Variants in C1QTNF4 observed in about 807,000 individuals in gnomAD.
C1QTNF4 encodes the protein complement C1q tumor necrosis factor-related protein 4.
A neutral mutation model predicts 14.6 loss-of-function variants in C1QTNF4; 12 were observed. That is an observed-to-expected ratio of 0.82 (90% CI 0.53 to 1.33). The LOEUF is 1.33. C1QTNF4 is among the 40% of genes most tolerant of loss of function. C1QTNF4 has a pLI of 0.00. For missense variants in C1QTNF4, 558 were observed against 500.3 expected (o/e 1.12, Z -1.10); for synonymous variants, 278 against 246.6 (o/e 1.13, Z -1.19).
At chr11:47,593,101 G>A (rs990239186) in intron 1 of C1QTNF4, among the ~76,000 whole-genome samples, 1 of 152,160 alleles carries the variant, frequency 6.6e-6, no homozygotes, top group Admixed American at 6.5e-5. Flanking sequence ...CAAGACAGGT[G>A]GGCCGTCTCC....
Position 47,590,257 on chromosome 11 carries a change from C to A in C1QTNF4, c.554G>T (p.Arg185Leu). The part of the protein sequence containing the change: ...PRSAFSAART[R>L]SLVGSDAGPG... ...GCCAGCGTCCGAGCCCACCAAGCTGCGCGTGCGCGCCGCCGAGAAGGCCGA... is the reference window on the plus strand; with the variant it reads ...GCCAGCGTCCGAGCCCACCAAGCTGAGCGTGCGCGCCGCCGAGAAGGCCGA... Residue 185 changes from arginine (R) to leucine (L), a missense_variant, in exon 2 of 2, where the codon CGC (arginine) becomes CTC (leucine). Coordinates refer to ENST00000302514, the MANE Select transcript of C1QTNF4 (RefSeq NM_031909.3). The A allele has an allele frequency of 7.1e-7, 1 of 1,409,792 alleles. No homozygotes were observed. The highest frequency in any genetic ancestry group is 9.2e-7 in the Non-Finnish European group (1 of 1,089,856). The allele number at this position is 1,409,792 out of a possible 1,614,324, so 87.3% of individuals were successfully genotyped here. A position where few individuals can be genotyped will look rare whatever the true frequency, so the allele number is the denominator to read the frequency against.
Position 47,590,381 on chromosome 11 carries a change from G to C in C1QTNF4, c.430C>G (p.Leu144Val). 6.9e-7 allele frequency: 1 copy of C among 1,451,078 alleles called. No homozygotes were observed. Among genetic ancestry groups the C allele is most frequent in the Non-Finnish European group, 9.0e-7 (1 of 1,110,384 alleles). The allele number at this position is 1,451,078 out of a possible 1,614,324, so 89.9% of individuals were successfully genotyped here. The change falls in exon 2 of 2, where the codon CTA becomes GTA. Residue 144 changes from leucine (L) to valine (V), a missense_variant. Physicochemically the swap from Leu to Val is conservative, Grantham distance 32. Coordinates refer to ENST00000302514, the MANE Select transcript of C1QTNF4 (RefSeq NM_031909.3). ...LRLHGAPQYALGAPGATFSGY... is the reference protein window; with the variant it reads ...LRLHGAPQYAVGAPGATFSGY... ...CTGAAGGTGGCGCCGGGCGCGCCTAGCGCGTACTGCGGGGCGCCATGCAGC... is the reference window on the plus strand; with the variant it reads ...CTGAAGGTGGCGCCGGGCGCGCCTACCGCGTACTGCGGGGCGCCATGCAGC...
At chr11:47,593,468 C>T (rs193089683) in intron 1 of C1QTNF4, among the ~76,000 whole-genome samples, 1 of 152,282 alleles carries the variant, frequency 6.6e-6, no homozygotes, top group Admixed American at 6.5e-5. Context: ...AGCAGCTGCC[C>T]AGCAACCTCC....
chr11:47,590,229 G>A lies in C1QTNF4; in HGVS notation c.582C>T (p.Pro194=), dbSNP rs1196251092. Residue 194 remains proline, a synonymous_variant, in exon 2 of 2, where the codon CCC becomes CCT. Coordinates refer to ENST00000302514, the MANE Select transcript of C1QTNF4 (RefSeq NM_031909.3). ...TRSLVGSDAG[P]GPRHQPLAFD... is the part of the protein sequence containing the mutation. ...AGGCGAGTGGTTGGTGCCGCGGCCC[G>A]GGGCCAGCGTCCGAGCCCACCAAGC... is the stretch of plus-strand genomic sequence containing the variant. The A allele has an allele frequency of 2.0e-6, 3 of 1,528,712 alleles. No individual in the cohort carries two copies. Among genetic ancestry groups the A allele is most frequent in the South Asian group, 1.3e-5 (1 of 79,914 alleles). 94.7% of individuals were successfully genotyped at this position (1,528,712 alleles called of 1,614,324 possible). A position where few individuals can be genotyped will look rare whatever the true frequency, so the allele number is the denominator to read the frequency against.
chr11:47,590,894 A>G (rs1434291765), intron 1 of C1QTNF4, 79 bp from the exon 2 acceptor site: 1 of 1,429,918 alleles, frequency 7.0e-7, no homozygotes, highest in Non-Finnish European at 9.1e-7. Flanking sequence ...CCGGGAGACA[A>G]GGGTTCTCTT....
Position 47,589,942 on chromosome 11 carries a change from T to C in C1QTNF4, c.869A>G (p.Asp290Gly), listed in dbSNP as rs1304532323. 6.2e-7 allele frequency: 1 copy of C among 1,609,466 alleles called. No homozygotes were observed. The highest frequency in any genetic ancestry group is 1.7e-5 in the Admixed American group (1 of 59,454). ...RGDAVWLLSH[D>G]HDGYGAYSNH... ...GCTGTAGGCGCCGTAGCCGTCGTGG[T>C]CGTGGCTGAGCAGCCAGACGGCGTC... The change falls in exon 2 of 2, where the codon GAC (aspartate) becomes GGC (glycine). Residue 290 changes from aspartate (D) to glycine (G), a missense_variant. Physicochemically the swap from Asp to Gly is moderately conservative, Grantham distance 94 (BLOSUM62 -1). Transcript: ENST00000302514.
chr11:47,593,178 G>C (rs2097276425), intron 1 of C1QTNF4, among the ~76,000 whole-genome samples: 1 of 152,208 alleles, frequency 6.6e-6, no homozygotes, highest in Admixed American at 6.5e-5. Context: ...CACCCATGGA[G>C]CACTGAGGTT....
chr11:47,593,810 C>T (rs970933147), intron 1 of C1QTNF4, among the ~76,000 whole-genome samples: 1 of 151,952 alleles, frequency 6.6e-6, no homozygotes, highest in African/African-American at 2.4e-5. Flanking sequence ...TCGCAGAGTT[C>T]CCCCTTGCCC....
In C1QTNF4 at chr11:47,590,363, T is replaced by A; in HGVS notation, c.448A>T (p.Thr150Ser). 1 of 1,376,842 alleles carries A rather than the reference T, an allele frequency of 7.3e-7. No individual in the cohort carries two copies. The highest frequency in any genetic ancestry group is 9.3e-7 in the Non-Finnish European group (1 of 1,074,308). 85.3% of individuals were successfully genotyped at this position (1,376,842 alleles called of 1,614,324 possible). A position where few individuals can be genotyped will look rare whatever the true frequency, so the allele number is the denominator to read the frequency against. The change falls in exon 2 of 2, where the codon ACC becomes TCC. Residue 150 changes from threonine to serine, a missense_variant. Thr to Ser is a moderately conservative substitution (Grantham distance 58, BLOSUM62 1). Coordinates refer to ENST00000302514, the MANE Select transcript of C1QTNF4 (RefSeq NM_031909.3). ...PQYALGAPGA[T>S]FSGYLVYADA... Reference sequence around the variant, plus strand: ...GCGTAGACTAGGTAGCCGCTGAAGGTGGCGCCGGGCGCGCCTAGCGCGTAC... The same window carrying A: ...GCGTAGACTAGGTAGCCGCTGAAGGAGGCGCCGGGCGCGCCTAGCGCGTAC...
At chr11:47,593,244 T>G (rs2097276464) in intron 1 of C1QTNF4, among the ~76,000 whole-genome samples, 1 of 152,218 alleles carries the variant, frequency 6.6e-6, no homozygotes, top group Non-Finnish European at 1.5e-5. Context: ...GACACAGGTA[T>G]GTCCAGCCAA....
At chr11:47,591,061 G>C (rs2097275373) in intron 1 of C1QTNF4, among the ~76,000 whole-genome samples, 1 of 152,180 alleles carries the variant, frequency 6.6e-6, no homozygotes, top group Non-Finnish European at 1.5e-5. Flanking sequence ...TGATGGGCCT[G>C]ATAATTTGCA....
chr11:47,594,999 T>G (rs969247296), upstream of C1QTNF4, among the ~76,000 whole-genome samples: 3 of 151,984 alleles, frequency 2.0e-5, no homozygotes, highest in Admixed American at 6.5e-5. Flanking sequence ...AATTTTCTGC[T>G]GGGAAGGTTG....
At chr11:47,592,484 G>C (rs1396569839) in intron 1 of C1QTNF4, among the ~76,000 whole-genome samples, 1 of 152,144 alleles carries the variant, frequency 6.6e-6, no homozygotes, top group Non-Finnish European at 1.5e-5. Flanking sequence ...AAAGTGATCT[G>C]GTCCAGTTCT....
chr11:47,594,112 A>T (rs1405287914), intron 1 of C1QTNF4, 36 bp downstream of exon 1: 1 of 152,040 alleles, frequency 6.6e-6, no homozygotes, highest in African/African-American at 2.4e-5. Context: ...GTAAAGGGGG[A>T]ACCTCGGCTC....
At chr11:47,591,244 A>C (rs937242804) in intron 1 of C1QTNF4, among the ~76,000 whole-genome samples, 2 of 151,088 alleles carry the variant, frequency 1.3e-5, no homozygotes, top group Non-Finnish European at 2.9e-5. Context: ...ACGCCCAGCT[A>C]ATTTTTTGTA....
chr11:47,590,208 G>C lies in C1QTNF4; in HGVS notation c.603C>G (p.Leu201=), dbSNP rs554726340. 25 of 1,577,784 alleles carry C rather than the reference G, an allele frequency of 1.6e-5. No individual in the cohort carries two copies. Among genetic ancestry groups the C allele is most frequent in the Non-Finnish European group, 2.1e-5 (24 of 1,166,220 alleles). ...TGTTGACGAACTCGGTGTCGAAGGCGAGTGGTTGGTGCCGCGGCCCGGGGC... is the reference window on the plus strand; with the variant it reads ...TGTTGACGAACTCGGTGTCGAAGGCCAGTGGTTGGTGCCGCGGCCCGGGGC... ...DAGPGPRHQP[L]AFDTEFVNIG... The change falls in exon 2 of 2, where the codon CTC becomes CTG. Residue 201 remains leucine, a synonymous_variant. Transcript: ENST00000302514.
upstream of C1QTNF4, chr11:47,594,659 TAGTGTGGGG>T (rs776045829): frequency 0.014 from 2,188 of 152,360 alleles, 25 homozygotes; most frequent in Non-Finnish European, 0.023. Context: ...GCTTCCTTCC[TAGTGTGGGG>T]AGAGAGGGCT....
Position 47,589,708 on chromosome 11 carries a change from G to T in C1QTNF4, c.*113C>A. The T allele has an allele frequency of 1.9e-6, 2 of 1,053,494 alleles. No individual in the cohort carries two copies. Among genetic ancestry groups the T allele is most frequent in the Non-Finnish European group, 2.6e-6 (2 of 771,768 alleles). 65.3% of individuals were successfully genotyped at this position (1,053,494 alleles called of 1,614,324 possible). A position where few individuals can be genotyped will look rare whatever the true frequency, so the allele number is the denominator to read the frequency against. On this transcript the variant is annotated 3_prime_UTR_variant, in exon 2 of 2. Coordinates refer to ENST00000302514, the MANE Select transcript of C1QTNF4 (RefSeq NM_031909.3). ...GCGCGTGCCCGCTTTCCGCTTTATT[G>T]GCAGAGTCCAGGCGCGCCCGGAGGC...
In C1QTNF4 at chr11:47,590,202, G is replaced by C. The variant is rs1208868781; in HGVS notation, c.609C>G (p.Phe203Leu). 2 of 1,583,366 alleles carry C rather than the reference G, an allele frequency of 1.3e-6. No homozygotes were observed. The highest frequency in any genetic ancestry group is 1.7e-6 in the Non-Finnish European group (2 of 1,168,558). ...CGCCAATGTTGACGAACTCGGTGTCGAAGGCGAGTGGTTGGTGCCGCGGCC... is the reference window on the plus strand; with the variant it reads ...CGCCAATGTTGACGAACTCGGTGTCCAAGGCGAGTGGTTGGTGCCGCGGCC... ...GPGPRHQPLA[F>L]DTEFVNIGGD... Residue 203 changes from phenylalanine to leucine, a missense_variant, in exon 2 of 2, where the codon TTC (phenylalanine) becomes TTG (leucine). Physicochemically the swap from Phe to Leu is conservative, Grantham distance 22. Coordinates refer to ENST00000302514, the MANE Select transcript of C1QTNF4 (RefSeq NM_031909.3).
Sources: allele counts gnomAD v4.1 joint callset (sites outside exome capture counted in the v4.1 genomes callset), GRCh38; gene constraint gnomAD v4.1.1; transcripts MANE v1.5; gene names NCBI Gene and HGNC (gene_info 2026-07-23, HGNC 2026-07-21).